The following CHN1 variants were observed in gnomAD, a reference collection of about 807,000 sequenced individuals.
CHN1 encodes the protein N-chimaerin.
A neutral mutation model predicts 59.5 loss-of-function variants in CHN1; 37 were observed. That is an observed-to-expected ratio of 0.62 (90% CI 0.48 to 0.82). The LOEUF (loss-of-function observed/expected upper bound fraction) is 0.82. Ranked by LOEUF, CHN1 falls within the 40% of genes least tolerant of loss-of-function variation. The pLI is 0.00. For synonymous variants in CHN1, 206 were observed against 200.4 expected, an observed-to-expected ratio of 1.03 and a Z score of -0.24; for missense variants, 469 against 571.0, an observed-to-expected ratio of 0.82 and a Z score of 1.82.
intron 6 of CHN1, among the ~76,000 whole-genome samples, chr2:174,872,599 C>A (rs549290607): frequency 2.6e-5 from 4 of 152,160 alleles, no homozygotes; most frequent in African/African-American, 9.7e-5. Context: ...CAAAGGCATA[C>A]GTTTCCTGAT....
At chr2:174,962,116 C>G (rs1296775452) in intron 1 of CHN1, among the ~76,000 whole-genome samples, 1 of 152,104 alleles carries the variant, frequency 6.6e-6, no homozygotes, top group African/African-American at 2.4e-5. Flanking sequence ...GAAACCCCGT[C>G]TCTACTAAAA....
intron 4 of CHN1, among the ~76,000 whole-genome samples, chr2:174,918,162 A>C (rs1455836908): frequency 6.6e-6 from 1 of 152,148 alleles, no homozygotes; most frequent in African/African-American, 2.4e-5. Context: ...AAAAATAAAA[A>C]TATATAGAAT....
chr2:174,865,202 A>C (rs1167574668), intron 6 of CHN1, among the ~76,000 whole-genome samples: 2 of 152,230 alleles, frequency 1.3e-5, no homozygotes, highest in African/African-American at 4.8e-5. Flanking sequence ...AACGGAACAT[A>C]AGAGTTGCAA....
At chr2:174,845,785 G>C (rs1008985953) in intron 7 of CHN1, among the ~76,000 whole-genome samples, 5 of 128,380 alleles carry the variant, frequency 3.9e-5, no homozygotes, top group East Asian at 2.8e-4. Context: ...TATGGGTGGG[G>C]GGGGGGGTGT....
intron 3 of CHN1, among the ~76,000 whole-genome samples, chr2:174,938,867 T>C (rs1689577334): frequency 6.6e-6 from 1 of 152,094 alleles, no homozygotes; most frequent in Non-Finnish European, 1.5e-5. Flanking sequence ...ATAAATATTT[T>C]TAAATATAAA....
intron 5 of CHN1, among the ~76,000 whole-genome samples, chr2:174,883,182 C>T (rs894109819): frequency 3.9e-5 from 6 of 152,112 alleles, no homozygotes; most frequent in East Asian, 1.9e-4. Flanking sequence ...ACTCGAAGTC[C>T]GTTTAAAAAG....
intron 8 of CHN1, among the ~76,000 whole-genome samples, chr2:174,814,016 A>C (rs1311530452): frequency 6.6e-6 from 1 of 152,238 alleles, no homozygotes; most frequent in Non-Finnish European, 1.5e-5. Context: ...AGAGACAAGG[A>C]AAATTAGCCA....
chr2:174,887,075 CAT>C (rs1207816791), intron 5 of CHN1, among the ~76,000 whole-genome samples: 1 of 152,048 alleles, frequency 6.6e-6, no homozygotes, highest in African/African-American at 2.4e-5. Flanking sequence ...AATTACATAA[CAT>C]GTATTCTTTT....
At chr2:174,934,250 C>T (rs1689434157) in intron 3 of CHN1, among the ~76,000 whole-genome samples, 1 of 152,182 alleles carries the variant, frequency 6.6e-6, no homozygotes. Flanking sequence ...TAGACAGTCT[C>T]ATCTGGGGGT....
chr2:174,820,945 GA>G (rs1381300674), intron 8 of CHN1, among the ~76,000 whole-genome samples: 5 of 152,056 alleles, frequency 3.3e-5, no homozygotes, highest in African/African-American at 1.2e-4. Context: ...GGTGGATTTT[GA>G]AAAAAGAAGG....
intron 5 of CHN1, among the ~76,000 whole-genome samples, chr2:174,882,479 A>C (rs1267253687): frequency 1.3e-5 from 2 of 152,210 alleles, no homozygotes; most frequent in African/African-American, 2.4e-5. Context: ...ATGATGACAA[A>C]ATATATACAG....
At chr2:174,973,974 T>C (rs572460598) in intron 1 of CHN1, among the ~76,000 whole-genome samples, 3 of 152,216 alleles carry the variant, frequency 2.0e-5, no homozygotes, top group Non-Finnish European at 4.4e-5. Context: ...TATATGAACA[T>C]ATGTAAACAG....
chr2:174,928,578 C>T (rs1689242766), intron 3 of CHN1, among the ~76,000 whole-genome samples: 1 of 152,102 alleles, frequency 6.6e-6, no homozygotes, highest in Admixed American at 6.5e-5. Flanking sequence ...CAAATAAGGG[C>T]AAAATGAGTT....
chr2:174,946,662 T>A (rs982859369), intron 2 of CHN1, among the ~76,000 whole-genome samples: 1 of 152,004 alleles, frequency 6.6e-6, no homozygotes, highest in African/African-American at 2.4e-5. Flanking sequence ...AGCACTAAAG[T>A]CAAATTTGTC....
intron 6 of CHN1, among the ~76,000 whole-genome samples, chr2:174,874,398 T>G (rs1004640444): frequency 2.6e-5 from 4 of 152,202 alleles, no homozygotes; most frequent in African/African-American, 9.6e-5. Flanking sequence ...TATTTCAGTG[T>G]TTTCCAATTG....
intron 11 of CHN1, among the ~76,000 whole-genome samples, chr2:174,806,863 C>G (rs2105376587): frequency 6.6e-6 from 1 of 152,242 alleles, no homozygotes; most frequent in African/African-American, 2.4e-5. Flanking sequence ...CACAATATTC[C>G]ACAAACAAGA....
At chr2:174,858,932 G>A (rs534971013) in intron 6 of CHN1, among the ~76,000 whole-genome samples, 10 of 150,280 alleles carry the variant, frequency 6.7e-5, no homozygotes, top group South Asian at 6.3e-4. Context: ...ATCTTTCAGT[G>A]ACATTTTAAT....
intron 11 of CHN1, among the ~76,000 whole-genome samples, chr2:174,804,294 C>G (rs964680131): frequency 2.0e-4 from 30 of 152,000 alleles, no homozygotes; most frequent in Admixed American, 1.2e-3. Flanking sequence ...CCAATTGTGG[C>G]TGCAGTAGAG....
intron 3 of CHN1, among the ~76,000 whole-genome samples, chr2:174,924,850 A>G (rs1689125627): frequency 6.6e-6 from 1 of 152,210 alleles, no homozygotes; most frequent in South Asian, 2.1e-4. Context: ...TTTATAAATT[A>G]ATAATAATAG....
Sources: allele counts gnomAD v4.1 joint callset (sites outside exome capture counted in the v4.1 genomes callset), GRCh38; gene constraint gnomAD v4.1.1; transcripts MANE v1.5; gene names NCBI Gene and HGNC (gene_info 2026-07-23, HGNC 2026-07-21).